Variants in PRKCH observed in about 807,000 individuals in gnomAD.
PRKCH encodes the protein protein kinase C eta, also known as protein kinase C eta type.
PRKCH carries 28 observed loss-of-function variants against 82.5 expected under a neutral mutation model. The ratio of observed to expected loss-of-function variants is 0.34; its 90% confidence interval spans 0.25 to 0.47. PRKCH has a LOEUF of 0.47. Among genes scored for constraint, PRKCH ranks in the 20% least tolerant of loss-of-function variants. The pLI is 1.00. For missense variants in PRKCH, 705 were observed against 881.8 expected (o/e 0.80, Z 2.54); for synonymous variants, 322 against 327.4 (o/e 0.98, Z 0.18).
chr14:61,297,011 C>T (rs1194384523), intron 1 of PRKCH, among the ~76,000 whole-genome samples: 1 of 152,168 alleles, frequency 6.6e-6, no homozygotes, highest in Non-Finnish European at 1.5e-5. Context: ...GGGCAGTTAA[C>T]TATGCAATTT....
intron 2 of PRKCH, among the ~76,000 whole-genome samples, chr14:61,425,210 A>G (rs988519157): frequency 9.2e-5 from 14 of 152,166 alleles, no homozygotes; most frequent in African/African-American, 2.9e-4. Flanking sequence ...CTGTGAGAAA[A>G]GGGCCACCAT....
intron 4 of PRKCH, among the ~76,000 whole-genome samples, chr14:61,446,173 C>CA (rs34051551): frequency 0.079 from 6,265 of 79,574 alleles, 279 homozygotes; most frequent in East Asian, 0.19. Flanking sequence ...GTTATGATTT[C>CA]AAAAAAAAAA....
intron 1 of PRKCH, among the ~76,000 whole-genome samples, chr14:61,275,922 C>A (rs1306079211): frequency 6.6e-6 from 1 of 152,186 alleles, no homozygotes; most frequent in East Asian, 1.9e-4. Context: ...ATGAGTACCG[C>A]TAATGACGGC....
intron 10 of PRKCH, among the ~76,000 whole-genome samples, chr14:61,507,078 A>G (rs115656618): frequency 0.01 from 1,528 of 152,316 alleles, 37 homozygotes; most frequent in African/African-American, 0.035. Context: ...AGCAACTTAT[A>G]CAACCCAATA....
chr14:61,254,000 TC>T lies in PRKCH; in HGVS notation c.-19+66335del, dbSNP rs1566795867. On this transcript the variant is annotated intron_variant, in intron 1 of 3. Coordinates refer to the PRKCH transcript ENST00000555185. Reference sequence around the variant, plus strand: ...CCTCCTCCCTCCCTCCCTCCCTCCCTCCCTCCCTCCCTTCCTTCCTTCCTTC... The same window carrying T: ...CCTCCTCCCTCCCTCCCTCCCTCCCTCCTCCCTCCCTTCCTTCCTTCCTTC... Among the ~76,000 whole-genome samples, 51 of 45,098 alleles carry T rather than the reference TC, an allele frequency of 1.1e-3. No individual in the cohort carries two copies. In the East Asian group the frequency reaches 0.028, roughly 25 times the overall value. The allele number at this position is 45,098 out of a possible 152,430, so 29.6% of individuals were successfully genotyped here. A position where few individuals can be genotyped will look rare whatever the true frequency, so the allele number is the denominator to read the frequency against.
chr14:61,233,400 GA>G (rs561749637), intron 1 of PRKCH, among the ~76,000 whole-genome samples: 2,249 of 134,292 alleles, frequency 0.017, 121 homozygotes, highest in Admixed American at 0.12. Context: ...CAAAAAAAAA[GA>G]AAAAAAGAAA....
At chr14:61,289,563 T>C (rs1243969449) in intron 1 of PRKCH, among the ~76,000 whole-genome samples, 4 of 152,030 alleles carry the variant, frequency 2.6e-5, no homozygotes, top group Non-Finnish European at 5.9e-5. Flanking sequence ...CAAAATTAGT[T>C]AGTCATGGTG....
intron 1 of PRKCH, among the ~76,000 whole-genome samples, chr14:61,250,772 A>T (rs1339796397): frequency 2.0e-5 from 3 of 152,138 alleles, no homozygotes; most frequent in Non-Finnish European, 4.4e-5. Context: ...CATCGATTGT[A>T]ACAAATGTAC....
intron 2 of PRKCH, among the ~76,000 whole-genome samples, chr14:61,419,009 A>T (rs1882698571): frequency 6.6e-6 from 1 of 152,198 alleles, no homozygotes; most frequent in Admixed American, 6.5e-5. Flanking sequence ...GAAGTTATTT[A>T]GATCCTACAC....
intron 1 of PRKCH, among the ~76,000 whole-genome samples, chr14:61,253,732 A>G (rs1358299180): frequency 6.6e-6 from 1 of 152,158 alleles, no homozygotes; most frequent in African/African-American, 2.4e-5. Context: ...TAATTAGGCA[A>G]CGGTGCGCAA....
intron 1 of PRKCH, among the ~76,000 whole-genome samples, chr14:61,249,214 C>T (rs1007416343): frequency 3.3e-5 from 5 of 152,110 alleles, no homozygotes; most frequent in African/African-American, 1.2e-4. Context: ...ATAAAACCAC[C>T]TATCCCCACT....
intron 1 of PRKCH, among the ~76,000 whole-genome samples, chr14:61,283,048 T>C (rs1011429042): frequency 6.6e-6 from 1 of 152,078 alleles, no homozygotes; most frequent in Non-Finnish European, 1.5e-5. Flanking sequence ...TTTTTTTTTT[T>C]TTGAGAGAGA....
At chr14:61,334,053 A>T (rs1003336931) in intron 1 of PRKCH, among the ~76,000 whole-genome samples, 1 of 152,162 alleles carries the variant, frequency 6.6e-6, no homozygotes, top group Non-Finnish European at 1.5e-5. Context: ...AGCTGAATGG[A>T]GACTGTCCAC....
rs374173324 is a variant in PRKCH at position 61,249,156 on chromosome 14, C to T, written c.-19+61488C>T. ...CAACTGGAAACCCTGGCATTATAAG[C>T]AGCATATTTATTGTGTATGGTGTGG... On this transcript the variant is annotated intron_variant, in intron 1 of 3. Coordinates refer to the PRKCH transcript ENST00000555185. 1.2e-4 allele frequency among the ~76,000 whole-genome samples: 19 copies of T among 152,120 alleles called. No homozygotes were observed. The East Asian group carries it at 2.9e-3, about 23-fold the overall frequency.
At chr14:61,453,989 C>T (rs1342234299) in intron 7 of PRKCH, among the ~76,000 whole-genome samples, 3 of 151,968 alleles carry the variant, frequency 2.0e-5, no homozygotes, top group Admixed American at 1.3e-4. Flanking sequence ...CAATTTGTTT[C>T]ACGGATAAGA....
chr14:61,329,173 A>C (rs1260909931), intron 1 of PRKCH, among the ~76,000 whole-genome samples: 1 of 141,734 alleles, frequency 7.1e-6, no homozygotes, highest in Non-Finnish European at 1.5e-5. Flanking sequence ...ACCAATAGTC[A>C]TTTCTTTATT....
chr14:61,392,319 C>G (rs1242531491), intron 2 of PRKCH, among the ~76,000 whole-genome samples: 1 of 152,158 alleles, frequency 6.6e-6, no homozygotes, highest in Non-Finnish European at 1.5e-5. Context: ...GTGTGTGTAA[C>G]TTCAGAAGAA....
At chr14:61,417,724 A>G (rs1882633551) in intron 2 of PRKCH, among the ~76,000 whole-genome samples, 1 of 152,218 alleles carries the variant, frequency 6.6e-6, no homozygotes, top group Non-Finnish European at 1.5e-5. Context: ...CAGCTTGGGA[A>G]TGGTCCTAAT....
intron 3 of PRKCH, among the ~76,000 whole-genome samples, chr14:61,444,563 G>A (rs537527632): frequency 4.0e-5 from 6 of 150,536 alleles, no homozygotes; most frequent in Admixed American, 1.3e-4. Context: ...AACATTAACT[G>A]TACCCAACCA....
Sources: gnomAD v4.1 joint callset for allele counts (sites outside exome capture counted in the v4.1 genomes callset) on GRCh38, gnomAD v4.1.1 for gene constraint, MANE v1.5 for transcripts, NCBI Gene and HGNC (gene_info 2026-07-23, HGNC 2026-07-21) for gene names.